Variants in PKHD1 observed in about 807,000 individuals in gnomAD.
PKHD1 encodes the protein fibrocystin.
In PKHD1, 291 loss-of-function variants were observed where a neutral mutation model predicts 412.0. The observed-to-expected ratio is 0.71, with a 90% CI of 0.64 to 0.78. PKHD1 has a LOEUF of 0.78. PKHD1 is among the 30% of genes least tolerant of loss of function. The pLI, the probability that PKHD1 is intolerant of heterozygous loss-of-function variation, is 0.00. For synonymous variants in PKHD1, 1,777 were observed against 1,821.5 expected, an observed-to-expected ratio of 0.98 and a Z score of 0.62; for missense variants, 4,825 against 4,950.7, an observed-to-expected ratio of 0.97 and a Z score of 0.76.
At position 51,754,805 on chromosome 6, in the gene PKHD1, G is replaced by A. The variant is rs757650951; in HGVS notation, c.8776C>T (p.Arg2926Trp). ...VKGHHVRIYERLKHRHIGSVH... is the reference protein window; with the variant it reads ...VKGHHVRIYEWLKHRHIGSVH... ...TTACCAATATGCCGGTGTTTGAGCC[G>A]TTCATAGATCCTCACATGGTGGCCC... The change falls in exon 56 of 67, where the codon CGG becomes TGG. Residue 2926 changes from arginine to tryptophan, a missense_variant. By Grantham distance (101) the Arg-to-Trp change is moderately radical (BLOSUM62 -3). Coordinates refer to ENST00000371117, the MANE Select transcript of PKHD1 (RefSeq NM_138694.4). 8.5e-5 allele frequency: 137 copies of A among 1,613,314 alleles called. No individual in the cohort carries two copies. Among genetic ancestry groups the A allele is most frequent in the Non-Finnish European group, 1.1e-4 (131 of 1,179,564 alleles).
chr6:51,806,718 T>C (rs1012470670), intron 52 of PKHD1, among the ~76,000 whole-genome samples: 1 of 151,878 alleles, frequency 6.6e-6, no homozygotes, highest in Admixed American at 6.6e-5. Context: ...TCAAGGGAGT[T>C]TTTAAAATCA....
At chr6:51,950,220 A>AAAAATATATATATATATATATATATAT in intron 36 of PKHD1, among the ~76,000 whole-genome samples, 22 of 98,294 alleles carry the variant, frequency 2.2e-4, no homozygotes, top group African/African-American at 5.3e-4. Flanking sequence ...GAAAAAAAAA[A>AAAAATATATATATATATATATATATAT]ATATATATAT....
At chr6:51,679,855 C>T (rs1385171596) in intron 60 of PKHD1, among the ~76,000 whole-genome samples, 1 of 152,034 alleles carries the variant, frequency 6.6e-6, no homozygotes, top group East Asian at 1.9e-4. Context: ...CTCCACCCTT[C>T]CTCTGGCATC....
intron 49 of PKHD1, among the ~76,000 whole-genome samples, chr6:51,850,456 A>T (rs1420252653): frequency 6.6e-6 from 1 of 152,172 alleles, no homozygotes; most frequent in Non-Finnish European, 1.5e-5. Context: ...TGATGGGAAT[A>T]GCATTGAATC....
At chr6:51,652,115 A>G (rs1237118728) in intron 61 of PKHD1, among the ~76,000 whole-genome samples, 1 of 152,120 alleles carries the variant, frequency 6.6e-6, no homozygotes, top group African/African-American at 2.4e-5. Flanking sequence ...AATGGGGGAG[A>G]AAAGTTCCCT....
chr6:52,058,666 C>T, intron 15 of PKHD1, 65 bp from the exon 16 acceptor site: 1 of 1,515,246 alleles, frequency 6.6e-7, no homozygotes, highest in Non-Finnish European at 9.1e-7. Context: ...TTCTCAAACA[C>T]TAAGTGTCTG....
At chr6:51,756,565 C>T (rs1472242910) in intron 55 of PKHD1, among the ~76,000 whole-genome samples, 1 of 152,024 alleles carries the variant, frequency 6.6e-6, no homozygotes, top group Admixed American at 6.6e-5. Flanking sequence ...TGTTGAAGAG[C>T]ACTGAATTAC....
intron 52 of PKHD1, among the ~76,000 whole-genome samples, chr6:51,804,027 G>A (rs536436210): frequency 6.6e-6 from 1 of 151,476 alleles, no homozygotes; most frequent in African/African-American, 2.4e-5. Flanking sequence ...ATGAGTTTTG[G>A]AAGAACAAAG....
chr6:51,859,290 G>A (rs6458799), intron 48 of PKHD1, among the ~76,000 whole-genome samples: 61,086 of 151,616 alleles, frequency 0.4, 13,485 homozygotes, highest in East Asian at 0.85. Context: ...ACTTTGGGAC[G>A]CCGAGGCGGG....
At chr6:51,865,400 G>A (rs1322486768) in intron 48 of PKHD1, among the ~76,000 whole-genome samples, 1 of 152,150 alleles carries the variant, frequency 6.6e-6, no homozygotes, top group Non-Finnish European at 1.5e-5. Context: ...AAAGTAGGAA[G>A]TGCCACAAAG....
chr6:51,634,345 T>G (rs2784216), intron 64 of PKHD1, among the ~76,000 whole-genome samples: 1 of 152,166 alleles, frequency 6.6e-6, no homozygotes, highest in Non-Finnish European at 1.5e-5. Context: ...GTATACATCA[T>G]GTATCTGAGC....
intron 60 of PKHD1, chr6:51,721,882 T>C: frequency 6.3e-7 from 1 of 1,586,368 alleles, no homozygotes; most frequent in South Asian, 1.1e-5. Context: ...TGAAACAGTG[T>C]CTTAACAAGT....
At chr6:51,916,425 A>G (rs1182082196) in intron 37 of PKHD1, among the ~76,000 whole-genome samples, 2 of 152,162 alleles carry the variant, frequency 1.3e-5, no homozygotes, top group African/African-American at 4.8e-5. Flanking sequence ...TTGTACAGAT[A>G]GGAAACTATG....
chr6:52,006,905 T>TGA (rs1799153458), intron 35 of PKHD1, among the ~76,000 whole-genome samples: 1 of 152,164 alleles, frequency 6.6e-6, no homozygotes, highest in Admixed American at 6.5e-5. Context: ...TGCATCTTCA[T>TGA]AGCTTAGCTC....
chr6:51,960,914 G>T (rs1021136687), intron 35 of PKHD1, among the ~76,000 whole-genome samples: 3 of 152,136 alleles, frequency 2.0e-5, no homozygotes, highest in African/African-American at 7.2e-5. Context: ...TTGAGCTCAT[G>T]CAAGAGGCTG....
At chr6:51,708,333 C>G (rs1162064421) in intron 60 of PKHD1, among the ~76,000 whole-genome samples, 1 of 152,176 alleles carries the variant, frequency 6.6e-6, no homozygotes, top group Admixed American at 6.5e-5. Flanking sequence ...TCATCCTCAT[C>G]ATTTGCTGCC....
At chr6:51,982,243 T>A in intron 35 of PKHD1, among the ~76,000 whole-genome samples, 1 of 37,802 alleles carries the variant, frequency 2.6e-5, no homozygotes, top group African/African-American at 6.2e-5. Flanking sequence ...GGGGCGCTTC[T>A]GCCCAGCCGC....
intron 37 of PKHD1, among the ~76,000 whole-genome samples, chr6:51,922,946 T>A (rs2127719504): frequency 6.6e-6 from 1 of 152,258 alleles, no homozygotes; most frequent in South Asian, 2.1e-4. Flanking sequence ...ATGGGCTGCA[T>A]CCACTGTCCA....
At chr6:51,902,138 C>T (rs1781394459) in intron 43 of PKHD1, among the ~76,000 whole-genome samples, 2 of 152,132 alleles carry the variant, frequency 1.3e-5, no homozygotes, top group Non-Finnish European at 2.9e-5. Flanking sequence ...GTTTACTTTC[C>T]TCCAGGCATT....
Sources: gnomAD v4.1 joint callset for allele counts (sites outside exome capture counted in the v4.1 genomes callset) on GRCh38, gnomAD v4.1.1 for gene constraint, MANE v1.5 for transcripts, NCBI Gene and HGNC (gene_info 2026-07-23, HGNC 2026-07-21) for gene names.